ULK4: variants seen among roughly 807,000 people sequenced by gnomAD.
ULK4 encodes the protein unc-51 like kinase 4, also known as inactive serine/threonine-protein kinase ULK4.
A neutral mutation model predicts 160.6 loss-of-function variants in ULK4; 133 were observed. The observed-to-expected ratio is 0.83, with a 90% CI of 0.72 to 0.96. The LOEUF (loss-of-function observed/expected upper bound fraction) is 0.96. ULK4 is among the 40% of genes least tolerant of loss of function. The pLI is 0.00. For synonymous variants in ULK4, 534 were observed against 539.8 expected (o/e 0.99, Z 0.15); for missense variants, 1,580 against 1,499.5 (o/e 1.05, Z -0.89).
At chr3:41,556,875 A>T (rs2087322115) in intron 32 of ULK4, among the ~76,000 whole-genome samples, 1 of 152,216 alleles carries the variant, frequency 6.6e-6, no homozygotes, top group African/African-American at 2.4e-5. Flanking sequence ...GAAGCAATAT[A>T]GCATTAATAT....
chr3:41,367,295 C>T (rs1178914283), intron 35 of ULK4, among the ~76,000 whole-genome samples: 1 of 152,198 alleles, frequency 6.6e-6, no homozygotes, highest in Non-Finnish European at 1.5e-5. Flanking sequence ...TAAGTAGATG[C>T]TGCCGAAAGC....
intron 30 of ULK4, among the ~76,000 whole-genome samples, chr3:41,636,496 T>C (rs1002869892): frequency 1.0e-4 from 15 of 150,216 alleles, no homozygotes; most frequent in African/African-American, 3.4e-4. Context: ...ATCCTGCCAC[T>C]GCACTCTAGC....
At chr3:41,689,830 T>C (rs1347831081) in intron 27 of ULK4, among the ~76,000 whole-genome samples, 2 of 151,024 alleles carry the variant, frequency 1.3e-5, no homozygotes, top group East Asian at 1.9e-4. Context: ...GGAACACTTT[T>C]ACACTGTTGG....
At chr3:41,302,797 T>A (rs2079826071) in intron 35 of ULK4, among the ~76,000 whole-genome samples, 1 of 152,192 alleles carries the variant, frequency 6.6e-6, no homozygotes. Flanking sequence ...TATGGATAAT[T>A]GAAAGCACTT....
At chr3:41,367,845 A>G (rs1248846039) in intron 35 of ULK4, among the ~76,000 whole-genome samples, 4 of 152,120 alleles carry the variant, frequency 2.6e-5, no homozygotes, top group African/African-American at 9.7e-5. Context: ...TCATTTAGAA[A>G]TATGTTAATA....
At chr3:41,387,656 G>T (rs2081850372) in intron 35 of ULK4, among the ~76,000 whole-genome samples, 1 of 152,134 alleles carries the variant, frequency 6.6e-6, no homozygotes, top group Non-Finnish European at 1.5e-5. Flanking sequence ...AGTTTGCTGA[G>T]AATGATGGTT....
intron 27 of ULK4, among the ~76,000 whole-genome samples, chr3:41,698,808 C>T (rs970844410): frequency 5.3e-5 from 8 of 152,162 alleles, no homozygotes; most frequent in African/African-American, 1.4e-4. Context: ...TTTGACACAA[C>T]CTACCAGTCA....
intron 32 of ULK4, among the ~76,000 whole-genome samples, chr3:41,561,141 A>G (rs186732440): frequency 0.023 from 3,471 of 152,100 alleles, 60 homozygotes; most frequent in Non-Finnish European, 0.035. Flanking sequence ...TTTGTCATTG[A>G]TTCTGTTTAC....
intron 2 of ULK4, among the ~76,000 whole-genome samples, chr3:41,946,968 T>C (rs1208581675): frequency 6.8e-6 from 1 of 146,752 alleles, no homozygotes; most frequent in Non-Finnish European, 1.6e-5. Flanking sequence ...CAAAATATGA[T>C]CACAGAAGGG....
At chr3:41,364,406 C>T (rs1399286809) in intron 35 of ULK4, among the ~76,000 whole-genome samples, 1 of 152,216 alleles carries the variant, frequency 6.6e-6, no homozygotes. Flanking sequence ...GCGCCCCTTG[C>T]ATGTTACATT....
chr3:41,644,521 C>G (rs1281746254), intron 30 of ULK4, among the ~76,000 whole-genome samples: 3 of 152,158 alleles, frequency 2.0e-5, no homozygotes, highest in East Asian at 1.9e-4. Flanking sequence ...ATTGAACCAG[C>G]CTTGCATCCC....
At position 41,347,202 on chromosome 3, in the gene ULK4, T is replaced by C. The variant is rs1238801049; in HGVS notation, c.3678+50877A>G. Among the ~76,000 whole-genome samples the C allele has an allele frequency of 3.9e-5, 6 of 152,244 alleles. 1 individual carries two copies. Among genetic ancestry groups the C allele is most frequent in the African/African-American group, 1.4e-4 (6 of 41,462 alleles). On this transcript the variant is annotated intron_variant, in intron 35 of 36. Transcript: ENST00000301831. ...AGGCGCATTGCAGCAGCTTTAAAGTTTATTCCAATAATCAACTCAGTCCAA... is the reference window on the plus strand; with the variant it reads ...AGGCGCATTGCAGCAGCTTTAAAGTCTATTCCAATAATCAACTCAGTCCAA...
chr3:41,629,711 C>T (rs190500700), intron 30 of ULK4, among the ~76,000 whole-genome samples: 166 of 152,168 alleles, frequency 1.1e-3, no homozygotes, highest in African/African-American at 3.9e-3. Flanking sequence ...CTTCTTTGGC[C>T]GGGCATGGTG....
chr3:41,793,366 G>T (rs1420906293), intron 20 of ULK4, among the ~76,000 whole-genome samples: 1 of 152,152 alleles, frequency 6.6e-6, no homozygotes, highest in Non-Finnish European at 1.5e-5. Context: ...AAAATTGAAG[G>T]CTGCATATCT....
intron 32 of ULK4, among the ~76,000 whole-genome samples, chr3:41,536,018 C>G (rs1025820601): frequency 6.6e-6 from 1 of 152,196 alleles, no homozygotes; most frequent in Non-Finnish European, 1.5e-5. Context: ...TCCCCCTCTT[C>G]CCCTGCAGTC....
At chr3:41,519,069 G>T (rs1043504910) in intron 32 of ULK4, among the ~76,000 whole-genome samples, 16 of 152,210 alleles carry the variant, frequency 1.1e-4, no homozygotes, top group African/African-American at 3.9e-4. Flanking sequence ...TCGCTCCTCT[G>T]TTCAGTCTCC....
At chr3:41,692,729 T>G (rs2036351505) in intron 27 of ULK4, among the ~76,000 whole-genome samples, 1 of 152,276 alleles carries the variant, frequency 6.6e-6, no homozygotes. Context: ...TTAAAGACAT[T>G]CACTTGTGCT....
At chr3:41,715,609 C>T in intron 23 of ULK4, 41 bp from the exon 24 acceptor site, 1 of 1,612,348 alleles carries the variant, frequency 6.2e-7, no homozygotes. Context: ...GGTTAAAAAC[C>T]ACAAATACTT....
intron 34 of ULK4, among the ~76,000 whole-genome samples, chr3:41,435,184 A>G (rs1559599473): frequency 1.3e-5 from 2 of 152,210 alleles, no homozygotes; most frequent in Non-Finnish European, 2.9e-5. Context: ...CTTCTCTGTA[A>G]AGTGGGTGGT....
Sources: allele counts gnomAD v4.1 joint callset (sites outside exome capture counted in the v4.1 genomes callset), GRCh38; gene constraint gnomAD v4.1.1; transcripts MANE v1.5; gene names NCBI Gene and HGNC (gene_info 2026-07-23, HGNC 2026-07-21).